Variants in ZNF728 observed in about 807,000 individuals in gnomAD.
ZNF728 encodes the protein zinc finger protein 728.
ZNF728 carries 12 observed loss-of-function variants against 12.5 expected under a neutral mutation model. That is an observed-to-expected ratio of 0.96 (90% CI 0.61 to 1.55). The LOEUF (loss-of-function observed/expected upper bound fraction) is 1.55, where lower values mean the gene tolerates loss of function less well. ZNF728 is among the 40% of genes most tolerant of loss of function. The pLI is 0.00. For synonymous variants in ZNF728, 205 were observed against 240.7 expected, an observed-to-expected ratio of 0.85 and a Z score of 1.37; for missense variants, 692 against 719.2, an observed-to-expected ratio of 0.96 and a Z score of 0.43.
intron 1 of ZNF728, 22 bp from the exon 2 acceptor site, chr19:22,988,473 A>C: frequency 1.2e-6 from 2 of 1,612,158 alleles, no homozygotes; most frequent in Non-Finnish European, 1.7e-6. Flanking sequence ...ACACAAACAC[A>C]CATATTTACC....
Position 22,976,027 on chromosome 19 carries a change from G to A in ZNF728, c.1310C>T (p.Ser437Leu), listed in dbSNP as rs751381089. The A allele has an allele frequency of 1.5e-5, 24 of 1,589,866 alleles. No homozygotes were observed. Among genetic ancestry groups the A allele is most frequent in the East Asian group, 9.2e-5 (4 of 43,520 alleles). The stretch of plus-strand genomic sequence containing the variant: ...AATTACTTTATGTTTAGTAAGGCTC[G>A]AAAATGTAGTAAAGGCTTTGCCACA... ...EECGKAFTTF[S>L]SLTKHKVIHT... is the part of the protein sequence containing the mutation. The change falls in exon 4 of 4, where the codon TCG becomes TTG. Residue 437 changes from serine (S) to leucine (L), a missense_variant. Physicochemically the swap from Ser to Leu is moderately radical, Grantham distance 145 (BLOSUM62 -2). Transcript: ENST00000594710.
rs1476869149 is a variant in ZNF728, at chr19:22,976,132, C to A, written c.1205G>T (p.Gly402Val). 6.2e-7 allele frequency: 1 copy of A among 1,612,950 alleles called. No individual in the cohort carries two copies. The highest frequency in any genetic ancestry group is 1.1e-5 in the South Asian group (1 of 91,050). ...TGTTGAGGACCACTTAAAGGTTTTGCCACATTCTTCACATTTGTAAGGTTT... is the reference window on the plus strand; with the variant it reads ...TGTTGAGGACCACTTAAAGGTTTTGACACATTCTTCACATTTGTAAGGTTT... ...GDKPYKCEEC[G>V]KTFKWSSTLT... Residue 402 changes from glycine (G) to valine (V), a missense_variant, in exon 4 of 4, where the codon GGC (glycine) becomes GTC (valine). By Grantham distance (109) the Gly-to-Val change is moderately radical (BLOSUM62 -3). Around this residue, in one of 3 missense-constraint regions of ZNF728, gnomAD observed 8 missense variants for 24.4 expected, o/e 0.33. Transcript: ENST00000594710.
In ZNF728 at chr19:22,988,381, T is replaced by A. The variant is rs1233335039; in HGVS notation, c.74A>T (p.Gln25Leu). ...LEEWQCLDTA[Q>L]QNLYRNVMLE... ...CATCACATTCCTATATAAATTCTGCTGTGCAGTGTCCAGGCATTGCCACTC... is the reference window on the plus strand; with the variant it reads ...CATCACATTCCTATATAAATTCTGCAGTGCAGTGTCCAGGCATTGCCACTC... The change falls in exon 2 of 4, where the codon CAG (glutamine) becomes CTG (leucine). Residue 25 changes from glutamine (Q) to leucine (L), a missense_variant. Coordinates refer to ENST00000594710, the MANE Select transcript of ZNF728 (RefSeq NM_001267716.2). 2 of 1,614,186 alleles carry A rather than the reference T, an allele frequency of 1.2e-6. No individual in the cohort carries two copies. Among genetic ancestry groups the A allele is most frequent in the Middle Eastern group, 1.6e-4 (1 of 6,062 alleles).
In ZNF728 at chr19:22,975,676, T is replaced by G. The variant is rs1599524788; in HGVS notation, c.1661A>C (p.His554Pro). The change falls in exon 4 of 4, where the codon CAT becomes CCT. Residue 554 changes from histidine to proline, a missense_variant. His to Pro is a moderately conservative substitution (Grantham distance 77, BLOSUM62 -2). Transcript: ENST00000594710. ...AFIWSSRLSE[H>P]KRIHTGEKPY... ...TTTCTCTCCAGTATGAATTCTCTTATGTTCACTAAGTCTTGAGGACCAGAT... is the reference window on the plus strand; with the variant it reads ...TTTCTCTCCAGTATGAATTCTCTTAGGTTCACTAAGTCTTGAGGACCAGAT... 1 of 1,612,044 alleles carries G rather than the reference T, an allele frequency of 6.2e-7. No homozygotes were observed.
chr19:22,982,105 T>A (rs749952322), intron 3 of ZNF728, among the ~76,000 whole-genome samples: 1 of 152,112 alleles, frequency 6.6e-6, no homozygotes, highest in Non-Finnish European at 1.5e-5. Flanking sequence ...TATCTGCAGA[T>A]GACATGATTT....
intron 1 of ZNF728, among the ~76,000 whole-genome samples, chr19:22,998,613 T>C (rs1281494520): frequency 3.9e-5 from 6 of 152,144 alleles, no homozygotes; most frequent in African/African-American, 1.4e-4. Flanking sequence ...AATTCAATAA[T>C]CTGATAGAGC....
Position 22,988,421 on chromosome 19 carries a change from G to C in ZNF728, c.34C>G (p.Gln12Glu), listed in dbSNP as rs957378284. ...CATTGCCACTCCTCCAGAGAGAATTGTATGGCCACATCCCGAAATGTCAAC... is the reference window on the plus strand; with the variant it reads ...CATTGCCACTCCTCCAGAGAGAATTCTATGGCCACATCCCGAAATGTCAAC... ...GSLTFRDVAI[Q>E]FSLEEWQCLD... The change falls in exon 2 of 4, where the codon CAA becomes GAA. Residue 12 changes from glutamine (Q) to glutamate (E), a missense_variant. This residue lies in a region of ZNF728 where 440 missense variants were observed against 459.6 expected (regional missense o/e 0.96). Coordinates refer to ENST00000594710, the MANE Select transcript of ZNF728 (RefSeq NM_001267716.2). The C allele has an allele frequency of 6.2e-7, 1 of 1,613,976 alleles. No homozygotes were observed. The highest frequency in any genetic ancestry group is 8.5e-7 in the Non-Finnish European group (1 of 1,180,000).
chr19:22,978,302 TA>T (rs35513624), intron 3 of ZNF728, among the ~76,000 whole-genome samples: 2,162 of 127,950 alleles, frequency 0.017, 41 homozygotes, highest in African/African-American at 0.046. Flanking sequence ...GTCAAAGTCC[TA>T]AAAAAAAAAA....
At chr19:22,991,695 C>G (rs1678210981) in intron 1 of ZNF728, among the ~76,000 whole-genome samples, 1 of 152,156 alleles carries the variant, frequency 6.6e-6, no homozygotes, top group African/African-American at 2.4e-5. Context: ...GGATTCATGA[C>G]TCAAAACTCT....
Position 22,976,963 on chromosome 19 carries a change from A to C in ZNF728, c.374T>G (p.Val125Gly). ...AAGCTTATTATAACCTTTTTTGTGC[A>C]CCTTACACTCATCCACATTGGTACA... ...IGCTNVDECKVHKKGYNKLNQ... is the reference protein window; with the variant it reads ...IGCTNVDECKGHKKGYNKLNQ... The change falls in exon 4 of 4, where the codon GTG (valine) becomes GGG (glycine). Residue 125 changes from valine to glycine, a missense_variant. Val to Gly is a moderately radical substitution (Grantham distance 109). Transcript: ENST00000594710. 1.2e-6 allele frequency: 2 copies of C among 1,613,480 alleles called. No individual in the cohort carries two copies. The highest frequency in any genetic ancestry group is 1.7e-6 in the Non-Finnish European group (2 of 1,179,760).
At chr19:23,002,937 G>T (rs926150520) in intron 1 of ZNF728, 91 bp downstream of exon 1, 18 of 1,518,152 alleles carry the variant, frequency 1.2e-5, no homozygotes, top group Non-Finnish European at 1.4e-5. Context: ...GGAGCTGACT[G>T]AGAGGAGGCC....
At chr19:22,982,981 C>T (rs953893867) in intron 3 of ZNF728, among the ~76,000 whole-genome samples, 18 of 152,228 alleles carry the variant, frequency 1.2e-4, no homozygotes, top group Non-Finnish European at 2.6e-4. Context: ...TCACCAACAG[C>T]AATGGCAGCA....
rs769936453 is a variant in ZNF728 at position 22,976,698 on chromosome 19, G to A, written c.639C>T (p.Ser213=). The A allele has an allele frequency of 1.9e-6, 3 of 1,613,174 alleles. No homozygotes were observed. The South Asian group carries it at 3.3e-5, about 18-fold the overall frequency. ...SEEHGKAFNW[S]SALTYKRIHT... ...GAATTCTCTTATAAGTAAGGGCTGAGGACCAGTTAAAGGCTTTGCCATGTT... is the reference window on the plus strand; with the variant it reads ...GAATTCTCTTATAAGTAAGGGCTGAAGACCAGTTAAAGGCTTTGCCATGTT... The change falls in exon 4 of 4, where the codon TCC becomes TCT. Residue 213 remains serine (S), a synonymous_variant. Coordinates refer to ENST00000594710, the MANE Select transcript of ZNF728 (RefSeq NM_001267716.2).
rs1968787480 is a variant in ZNF728, at chr19:22,975,734, G to A, written c.1603C>T (p.Gln535Ter). The A allele has an allele frequency of 6.2e-7, 1 of 1,610,872 alleles. No individual in the cohort carries two copies. The highest frequency in any genetic ancestry group is 1.1e-5 in the South Asian group (1 of 91,000). Reference protein sequence around the residue: ...KHKVIHTGEKQYKCEECGKAF... With the variant: ...KHKVIHTGEK ...TTGCCACATTCTTCACATTTGTATT[G>A]TTTCTCTCCAGTATGAATTACCTTA... is the stretch of plus-strand genomic sequence containing the variant. The change falls in exon 4 of 4, where the codon CAA (glutamine) becomes TAA (stop). Residue 535 changes from glutamine (Q) to a stop codon, truncating the protein, a stop_gained. Coordinates refer to ENST00000594710, the MANE Select transcript of ZNF728 (RefSeq NM_001267716.2). LOFTEE classifies it low-confidence loss of function (END_TRUNC).
rs1320241936 is a variant in ZNF728, at chr19:22,975,179, A to G, written c.*289T>C. 6.6e-6 allele frequency among the ~76,000 whole-genome samples: 1 copy of G among 152,172 alleles called. No homozygotes were observed. The highest frequency in any genetic ancestry group is 1.5e-5 in the Non-Finnish European group (1 of 68,024). On this transcript the variant is annotated 3_prime_UTR_variant, in exon 4 of 4. Coordinates refer to ENST00000594710, the MANE Select transcript of ZNF728 (RefSeq NM_001267716.2). ...TAGTATGAATTAGCTTATGTCTGTTAAGAATTGAGGATCTGTTAGAGGCTT... is the reference window on the plus strand; with the variant it reads ...TAGTATGAATTAGCTTATGTCTGTTGAGAATTGAGGATCTGTTAGAGGCTT...
At chr19:22,984,111 T>G (rs11670032) in intron 3 of ZNF728, among the ~76,000 whole-genome samples, 3 of 152,132 alleles carry the variant, frequency 2.0e-5, no homozygotes, top group African/African-American at 7.2e-5. Context: ...CATCGGGATA[T>G]ACACCCTTCT....
At chr19:22,991,694 A>T (rs1439064437) in intron 1 of ZNF728, among the ~76,000 whole-genome samples, 1 of 152,172 alleles carries the variant, frequency 6.6e-6, no homozygotes, top group East Asian at 1.9e-4. Context: ...AGGATTCATG[A>T]CTCAAAACTC....
At chr19:22,998,583 G>A (rs778295385) in intron 1 of ZNF728, among the ~76,000 whole-genome samples, 13 of 152,142 alleles carry the variant, frequency 8.5e-5, no homozygotes, top group Admixed American at 2.0e-4. Context: ...AAAAATTGGG[G>A]ACTCCCATAA....
At chr19:23,000,865 CAAAA>C (rs879559395) in intron 1 of ZNF728, among the ~76,000 whole-genome samples, 2,110 of 32,560 alleles carry the variant, frequency 0.065, 67 homozygotes, top group African/African-American at 0.16. Flanking sequence ...AAAACACTGT[CAAAA>C]AAAAAAAAAA....
Sources: gnomAD v4.1 joint callset for allele counts (sites outside exome capture counted in the v4.1 genomes callset) on GRCh38, gnomAD v4.1.1 for gene constraint, gnomAD v4.1.1 regional missense constraint, MANE v1.5 for transcripts, NCBI Gene and HGNC (gene_info 2026-07-23, HGNC 2026-07-21) for gene names.